Variants in HIGD2B observed in about 807,000 individuals in gnomAD.
HIGD2B encodes the protein HIG1 domain family member 2B.
For synonymous variants in HIGD2B, 45 were observed against 28.1 expected (o/e 1.60, Z -1.90); for missense variants, 106 against 67.0 (o/e 1.58, Z -2.03).
At chr15:72,678,318 C>T (rs781621397) in intron 2 of HIGD2B, among the ~76,000 whole-genome samples, 1 of 151,738 alleles carries the variant, frequency 6.6e-6, no homozygotes, top group Non-Finnish European at 1.5e-5. Context: ...TTTTTTTAGA[C>T]AGGTTCTCAC....
chr15:72,677,237 C>T (rs540076900), intron 2 of HIGD2B, among the ~76,000 whole-genome samples: 92 of 152,216 alleles, frequency 6.0e-4, no homozygotes, highest in African/African-American at 2.1e-3. Context: ...TGAGACCAGC[C>T]TGGGCAACAT....
rs761274237 is a variant in HIGD2B at position 72,675,947 on chromosome 15, C to T, written c.*107G>A. ...CAGGAAGGGTCACTTCCTCCCCCAA[C>T]GACACAGGGACCTCTCAAAGGAGAG... On this transcript the variant is annotated 3_prime_UTR_variant, in exon 3 of 3. Transcript: ENST00000311755. 17 of 602,554 alleles carry T rather than the reference C, an allele frequency of 2.8e-5. No individual in the cohort carries two copies. Among genetic ancestry groups the T allele is most frequent in the Middle Eastern group, 2.8e-4 (1 of 3,530 alleles). The allele number at this position is 602,554 out of a possible 1,614,324, so 37.3% of individuals were successfully genotyped here. A position where few individuals can be genotyped will look rare whatever the true frequency, so the allele number is the denominator to read the frequency against.
At chr15:72,683,911 T>C (rs2064775891) in intron 1 of HIGD2B, among the ~76,000 whole-genome samples, 1 of 150,430 alleles carries the variant, frequency 6.6e-6, no homozygotes, top group Non-Finnish European at 1.5e-5. Context: ...TTTTTTTTTT[T>C]TTGAGACAGT....
At chr15:72,679,584 T>C (rs573015817) in intron 2 of HIGD2B, among the ~76,000 whole-genome samples, 2 of 152,194 alleles carry the variant, frequency 1.3e-5, no homozygotes, top group South Asian at 4.2e-4. Context: ...TTACTAACTA[T>C]GGATTATTTT....
At chr15:72,678,772 A>G (rs2064718105) in intron 2 of HIGD2B, among the ~76,000 whole-genome samples, 1 of 152,000 alleles carries the variant, frequency 6.6e-6, no homozygotes, top group Non-Finnish European at 1.5e-5. Context: ...TCAAGGCAGG[A>G]GGATCACTTA....
chr15:72,676,919 C>T (rs566935227), intron 2 of HIGD2B, among the ~76,000 whole-genome samples: 18 of 152,162 alleles, frequency 1.2e-4, no homozygotes, highest in East Asian at 1.9e-4. Context: ...AAAACCTACA[C>T]GCGTGACAAA....
At chr15:72,677,807 T>C (rs765362955) in intron 2 of HIGD2B, among the ~76,000 whole-genome samples, 1 of 151,860 alleles carries the variant, frequency 6.6e-6, no homozygotes, top group Non-Finnish European at 1.5e-5. Context: ...CATATAAAAG[T>C]AAATAAAAAT....
intron 1 of HIGD2B, among the ~76,000 whole-genome samples, chr15:72,685,284 A>G (rs1482953072): frequency 6.6e-6 from 1 of 152,192 alleles, no homozygotes; most frequent in Non-Finnish European, 1.5e-5. Context: ...GGCAGATTTT[A>G]TGTCTAAATT....
rs935398398 is a variant in HIGD2B, at chr15:72,675,948, G to A, written c.*106C>T. On this transcript the variant is annotated 3_prime_UTR_variant, in exon 3 of 3. Transcript: ENST00000311755. ...AGGAAGGGTCACTTCCTCCCCCAAC[G>A]ACACAGGGACCTCTCAAAGGAGAGG... The A allele has an allele frequency of 5.0e-6, 3 of 602,474 alleles. No individual in the cohort carries two copies. The highest frequency in any genetic ancestry group is 1.8e-5 in the African/African-American group (1 of 54,152). The allele number at this position is 602,474 out of a possible 1,614,324, so 37.3% of individuals were successfully genotyped here.
At position 72,675,799 on chromosome 15, in the gene HIGD2B, T is replaced by A. The variant is rs1458432358; in HGVS notation, c.*255A>T. ...ATACAGTATGTGTGTAATTTTTTACTTTTTTCTTATTTTTAGAGTTTATTA... is the reference window on the plus strand; with the variant it reads ...ATACAGTATGTGTGTAATTTTTTACATTTTTCTTATTTTTAGAGTTTATTA... On this transcript the variant is annotated 3_prime_UTR_variant, in exon 3 of 3. Transcript: ENST00000311755. The A allele has an allele frequency of 2.2e-5, 10 of 445,988 alleles. No individual in the cohort carries two copies. Among genetic ancestry groups the A allele is most frequent in the Non-Finnish European group, 4.0e-5 (10 of 250,386 alleles). 27.6% of individuals were successfully genotyped at this position (445,988 alleles called of 1,614,324 possible).
At position 72,675,958 on chromosome 15, in the gene HIGD2B, C is replaced by T. The variant is rs2064683325; in HGVS notation, c.*96G>A. ...ACTTCCTCCCCCAACGACACAGGGA[C>T]CTCTCAAAGGAGAGGAGAGAGTAAG... On this transcript the variant is annotated 3_prime_UTR_variant, in exon 3 of 3. Transcript: ENST00000311755. The T allele has an allele frequency of 1.6e-6, 1 of 613,882 alleles. No homozygotes were observed. The allele number at this position is 613,882 out of a possible 1,614,324, so 38.0% of individuals were successfully genotyped here. A position where few individuals can be genotyped will look rare whatever the true frequency, so the allele number is the denominator to read the frequency against.
intron 1 of HIGD2B, among the ~76,000 whole-genome samples, chr15:72,683,522 C>A (rs2064771337): frequency 6.7e-6 from 1 of 149,106 alleles, no homozygotes. Context: ...ATGAAGAGGA[C>A]TGGAATACTG....
rs1471055811 is a variant in HIGD2B, at chr15:72,685,983, G to T, written c.-358C>A. ...GAGGTACAGACCATGTACAGACCAC[G>T]GCGAGGGGTGTTAGGGGCTTCTCGG... On this transcript the variant is annotated 5_prime_UTR_variant, in exon 1 of 3. Transcript: ENST00000311755. 1.7e-5 allele frequency: 10 copies of T among 601,036 alleles called. No individual in the cohort carries two copies. The highest frequency in any genetic ancestry group is 3.0e-5 in the Non-Finnish European group (10 of 336,808). 37.2% of individuals were successfully genotyped at this position (601,036 alleles called of 1,614,324 possible).
chr15:72,684,183 C>G (rs1295977413), intron 1 of HIGD2B, among the ~76,000 whole-genome samples: 1 of 152,120 alleles, frequency 6.6e-6, no homozygotes, highest in East Asian at 1.9e-4. Context: ...AAAGTACACT[C>G]CAGTGTGGGA....
At position 72,676,291 on chromosome 15, in the gene HIGD2B, A is replaced by C; in HGVS notation, c.84T>G (p.Val28=). 1.3e-6 allele frequency: 1 copy of C among 764,914 alleles called. No homozygotes were observed. 47.4% of individuals were successfully genotyped at this position (764,914 alleles called of 1,614,324 possible). ...PPIFEGLSPT[V]YSNPEGFKEK... ...CCTTGAAACCCTCTGGATTGCTGTA[A>C]ACAGTGGGGCTAAGCCCCTCAAAGA... Residue 28 remains valine, a synonymous_variant, in exon 3 of 3, where the codon GTT becomes GTG. Transcript: ENST00000311755.
rs1052155019 is a variant in HIGD2B at position 72,680,002 on chromosome 15, A to G, written c.-14+13T>C. ...CTGGTAACCAACTGCTGGTCCAAAC[A>G]TTTCCTACTTACATGGAACAGTGGA... On this transcript the variant is annotated intron_variant, in intron 2 of 2. Coordinates refer to ENST00000311755, the MANE Select transcript of HIGD2B (RefSeq NM_001350932.3). 1.8e-5 allele frequency: 7 copies of G among 383,286 alleles called. No individual in the cohort carries two copies. The highest frequency in any genetic ancestry group is 2.9e-5 in the Non-Finnish European group (7 of 244,592). The allele number at this position is 383,286 out of a possible 1,614,324, so 23.7% of individuals were successfully genotyped here. A position where few individuals can be genotyped will look rare whatever the true frequency, so the allele number is the denominator to read the frequency against.
chr15:72,684,554 C>G (rs1023121156), intron 1 of HIGD2B, among the ~76,000 whole-genome samples: 4 of 152,168 alleles, frequency 2.6e-5, no homozygotes, highest in Admixed American at 1.3e-4. Flanking sequence ...ATGGGATGAT[C>G]TCAGCTCACT....
At chr15:72,677,633 A>T (rs1454525837) in intron 2 of HIGD2B, among the ~76,000 whole-genome samples, 4 of 151,828 alleles carry the variant, frequency 2.6e-5, no homozygotes, top group Non-Finnish European at 5.9e-5. Flanking sequence ...ATGGTAATGC[A>T]TGCCTGTGAT....
intron 1 of HIGD2B, among the ~76,000 whole-genome samples, chr15:72,681,751 C>T (rs569424106): frequency 1.4e-4 from 22 of 152,020 alleles, no homozygotes; most frequent in South Asian, 6.2e-4. Flanking sequence ...GGATTACAGG[C>T]GCCTGCCACC....
Sources: allele counts gnomAD v4.1 joint callset (sites outside exome capture counted in the v4.1 genomes callset), GRCh38; gene constraint gnomAD v4.1.1; transcripts MANE v1.5; gene names NCBI Gene and HGNC (gene_info 2026-07-23, HGNC 2026-07-21).